Variants in SASH1 observed in about 807,000 individuals in gnomAD.
The protein encoded by SASH1 is SAM and SH3 domain containing 1.
Under a neutral mutation model 125.2 loss-of-function variants are expected in SASH1, and 44 were observed. The observed-to-expected ratio is 0.35, with a 90% CI of 0.28 to 0.45. The LOEUF is 0.45. Ranked by LOEUF, SASH1 falls within the 20% of genes least tolerant of loss-of-function variation. SASH1 has a pLI of 1.00. For synonymous variants in SASH1, 639 were observed against 649.1 expected (o/e 0.98, Z 0.24); for missense variants, 1,426 against 1,614.5 (o/e 0.88, Z 2.00).
intron 1 of SASH1, among the ~76,000 whole-genome samples, chr6:148,353,249 T>A (rs1419556077): frequency 6.6e-6 from 1 of 151,542 alleles, no homozygotes; most frequent in Non-Finnish European, 1.5e-5. Flanking sequence ...ATTTTTCTTA[T>A]TTTTTCTAGC....
chr6:148,267,306 C>T (rs1247431616), upstream of SASH1, among the ~76,000 whole-genome samples: 2 of 151,902 alleles, frequency 1.3e-5, no homozygotes, highest in East Asian at 1.9e-4. Flanking sequence ...TCCAAATGCC[C>T]GGGCCACACC....
intron 2 of SASH1, among the ~76,000 whole-genome samples, chr6:148,418,426 G>A (rs1784915253): frequency 6.6e-6 from 1 of 152,150 alleles, no homozygotes; most frequent in Non-Finnish European, 1.5e-5. Flanking sequence ...CCGTGAACAT[G>A]TTTCTGTCAT....
intron 2 of SASH1, among the ~76,000 whole-genome samples, chr6:148,418,695 C>T (rs893085698): frequency 6.6e-6 from 1 of 152,144 alleles, no homozygotes; most frequent in African/African-American, 2.4e-5. Flanking sequence ...GGTGAGCAAC[C>T]GATAGCCTGT....
chr6:148,230,568 C>T, the SASH1 span, among the ~76,000 whole-genome samples: 1 of 152,120 alleles, frequency 6.6e-6, no homozygotes, highest in Non-Finnish European at 1.5e-5. Flanking sequence ...TAGACATTGT[C>T]GAATACTGAC....
Position 148,549,392 on chromosome 6 carries a change from A to G in SASH1, c.*834A>G. 2.6e-6 allele frequency: 1 copy of G among 381,840 alleles called. No homozygotes were observed. The highest frequency in any genetic ancestry group is 4.6e-6 in the Non-Finnish European group (1 of 215,600). 23.7% of individuals were successfully genotyped at this position (381,840 alleles called of 1,614,324 possible). ...TCTAGTAAAAAGCTATCTGAAATTCACAAATATCATGTGTGTGCGTGCGTG... is the reference window on the plus strand; with the variant it reads ...TCTAGTAAAAAGCTATCTGAAATTCGCAAATATCATGTGTGTGCGTGCGTG... On this transcript the variant is annotated 3_prime_UTR_variant, in exon 20 of 20. Coordinates refer to ENST00000367467, the MANE Select transcript of SASH1 (RefSeq NM_015278.5).
At chr6:148,248,762 G>A in the SASH1 span, among the ~76,000 whole-genome samples, 3 of 152,212 alleles carry the variant, frequency 2.0e-5, no homozygotes, top group Admixed American at 1.3e-4. Flanking sequence ...ATGATTTGTA[G>A]CTGTGTTTCC....
At chr6:148,275,050 G>A (rs1389091592) in intron 1 of SASH1, among the ~76,000 whole-genome samples, 1 of 152,152 alleles carries the variant, frequency 6.6e-6, no homozygotes. Flanking sequence ...AGTTTTGTAA[G>A]CCATTGTTTA....
chr6:148,314,114 C>G (rs770112603), intron 1 of SASH1, among the ~76,000 whole-genome samples: 3 of 152,114 alleles, frequency 2.0e-5, no homozygotes, highest in Non-Finnish European at 4.4e-5. Flanking sequence ...ACACTGGGAG[C>G]CTTACCAGGT....
chr6:148,410,622 G>A (rs142397321), intron 2 of SASH1, among the ~76,000 whole-genome samples: 1 of 152,232 alleles, frequency 6.6e-6, no homozygotes, highest in African/African-American at 2.4e-5. Flanking sequence ...GTAAGCCAAT[G>A]AATCACAATT....
intron 18 of SASH1, among the ~76,000 whole-genome samples, chr6:148,545,233 G>A (rs745890837): frequency 1.3e-5 from 2 of 152,042 alleles, no homozygotes; most frequent in Admixed American, 6.6e-5. Flanking sequence ...AAAAAAATGA[G>A]ATCTACCAAT....
chr6:148,195,055 T>C, the SASH1 span, among the ~76,000 whole-genome samples: 2 of 152,226 alleles, frequency 1.3e-5, no homozygotes, highest in African/African-American at 2.4e-5. Context: ...AAAAGCACAA[T>C]TTTTAGATCA....
chr6:148,541,429 A>G (rs1391042087), intron 17 of SASH1, among the ~76,000 whole-genome samples: 1 of 152,038 alleles, frequency 6.6e-6, no homozygotes, highest in Non-Finnish European at 1.5e-5. Context: ...ATAGAATACA[A>G]AATATCAGAG....
At chr6:148,397,439 C>T (rs960435272) in intron 2 of SASH1, among the ~76,000 whole-genome samples, 28 of 152,104 alleles carry the variant, frequency 1.8e-4, no homozygotes, top group African/African-American at 6.5e-4. Flanking sequence ...GAGCCGAGAT[C>T]GCACTATTGC....
At position 148,548,310 on chromosome 6, in the gene SASH1, C is replaced by T; in HGVS notation, c.3496C>T (p.Leu1166Phe). ...ATTTATCCAGATTCCAAGTGGTGGA[C>T]TCACGGAAATCTGCCGAAAGCCCGT... The part of the protein sequence containing the change: ...QHRMAIPSGG[L>F]TEICRKPVSP... The change falls in exon 20 of 20, where the codon CTC (leucine) becomes TTC (phenylalanine). Residue 1166 changes from leucine to phenylalanine, a missense_variant. Leu to Phe is a conservative substitution (Grantham distance 22). Transcript: ENST00000367467. 6.2e-7 allele frequency: 1 copy of T among 1,612,010 alleles called. No individual in the cohort carries two copies. The highest frequency in any genetic ancestry group is 8.5e-7 in the Non-Finnish European group (1 of 1,178,944).
At chr6:148,368,281 C>CT (rs1385208521) in intron 1 of SASH1, among the ~76,000 whole-genome samples, 1 of 151,242 alleles carries the variant, frequency 6.6e-6, no homozygotes, top group Non-Finnish European at 1.5e-5. Context: ...TCTCTTTTTT[C>CT]TTTTTTTGTT....
chr6:148,334,125 T>G (rs1429529180), intron 1 of SASH1, among the ~76,000 whole-genome samples: 1 of 112,046 alleles, frequency 8.9e-6, no homozygotes, highest in Non-Finnish European at 1.8e-5. Flanking sequence ...AATAAAATAT[T>G]TTAAGAGATA....
intron 1 of SASH1, among the ~76,000 whole-genome samples, chr6:148,362,261 C>T (rs868813986): frequency 4.0e-4 from 59 of 148,812 alleles, no homozygotes; most frequent in African/African-American, 1.4e-3. Context: ...CTTGCTTTGT[C>T]GCTCAGGCTG....
chr6:148,337,364 CAGGCG>C (rs1245135321), intron 1 of SASH1, among the ~76,000 whole-genome samples: 2 of 152,088 alleles, frequency 1.3e-5, no homozygotes, highest in African/African-American at 2.4e-5. Flanking sequence ...GCTGGGACTA[CAGGCG>C]CCCGCCACCA....
At chr6:148,250,594 A>G in the SASH1 span, among the ~76,000 whole-genome samples, 2 of 150,692 alleles carry the variant, frequency 1.3e-5, no homozygotes. Context: ...AAAAAACTGT[A>G]TTTAAAAAAA....
Sources: allele counts gnomAD v4.1 joint callset (sites outside exome capture counted in the v4.1 genomes callset), GRCh38; gene constraint gnomAD v4.1.1; transcripts MANE v1.5; gene names NCBI Gene and HGNC (gene_info 2026-07-23, HGNC 2026-07-21).